Variants in ADCK1 observed in about 807,000 individuals in gnomAD.
ADCK1 encodes the protein aarF domain containing kinase 1.
Under a neutral mutation model 52.3 loss-of-function variants are expected in ADCK1, and 41 were observed. That is an observed-to-expected ratio of 0.78 (90% CI 0.61 to 1.02). ADCK1 has a LOEUF of 1.02. Ranked by LOEUF, ADCK1 falls within the 50% of genes least tolerant of loss-of-function variation. The pLI, the probability that ADCK1 is intolerant of heterozygous loss-of-function variation, is 0.00. For synonymous variants in ADCK1, 250 were observed against 274.6 expected (o/e 0.91, Z 0.89); for missense variants, 658 against 679.5 (o/e 0.97, Z 0.35).
At chr14:77,809,246 G>A (rs2081288739) in intron 1 of ADCK1, among the ~76,000 whole-genome samples, 1 of 152,122 alleles carries the variant, frequency 6.6e-6, no homozygotes, top group African/African-American at 2.4e-5. Flanking sequence ...ATGGGATGTG[G>A]AGAAGTCAGT....
At chr14:77,828,819 G>A (rs891438002) in intron 3 of ADCK1, among the ~76,000 whole-genome samples, 3 of 151,732 alleles carry the variant, frequency 2.0e-5, no homozygotes, top group African/African-American at 4.8e-5. Context: ...GAGCCACTGC[G>A]CCCAGCCATT....
At chr14:77,917,706 G>T (rs181111465) in intron 7 of ADCK1, among the ~76,000 whole-genome samples, 1 of 152,228 alleles carries the variant, frequency 6.6e-6, no homozygotes, top group Non-Finnish European at 1.5e-5. Flanking sequence ...ACAATTAAAA[G>T]ATTTCTCATT....
At chr14:77,866,525 G>T (rs946799970) in intron 4 of ADCK1, among the ~76,000 whole-genome samples, 2 of 152,160 alleles carry the variant, frequency 1.3e-5, no homozygotes, top group African/African-American at 4.8e-5. Flanking sequence ...CAGCTGGTTA[G>T]GGTTAATTGC....
intron 1 of ADCK1, among the ~76,000 whole-genome samples, chr14:77,812,564 C>T (rs1339553961): frequency 6.6e-6 from 1 of 152,082 alleles, no homozygotes; most frequent in East Asian, 1.9e-4. Flanking sequence ...TAGGTTGTTT[C>T]TACATCTTGG....
At chr14:77,806,738 A>G (rs954848059) in intron 1 of ADCK1, among the ~76,000 whole-genome samples, 10 of 151,984 alleles carry the variant, frequency 6.6e-5, no homozygotes, top group African/African-American at 2.4e-4. Flanking sequence ...TTTTTTAGAC[A>G]GAGTATCGCT....
chr14:77,909,563 G>T (rs2083745735), intron 7 of ADCK1, among the ~76,000 whole-genome samples: 1 of 152,188 alleles, frequency 6.6e-6, no homozygotes, highest in African/African-American at 2.4e-5. Context: ...GATGAGCCCA[G>T]GGGGGTGGCA....
intron 3 of ADCK1, among the ~76,000 whole-genome samples, chr14:77,824,112 T>C (rs2081640485): frequency 6.6e-6 from 1 of 151,660 alleles, no homozygotes; most frequent in South Asian, 2.1e-4. Context: ...ACGGCCAGGC[T>C]GGTCTTGAAC....
Position 77,924,581 on chromosome 14 carries a change from T to G in ADCK1, c.983T>G (p.Val328Gly), listed in dbSNP as rs201208329. The change falls in exon 8 of 11, where the codon GTC (valine) becomes GGC (glycine). Residue 328 changes from valine to glycine, a missense_variant. Transcript: ENST00000238561. ...KHPGTGKAEI[V>G]LLDHGLYQML... ...CCCGGCACGGGAAAGGCGGAGATTG[T>G]CCTGTTGGACCATGGGCTTTACCAG... 2.5e-6 allele frequency: 4 copies of G among 1,613,682 alleles called. No individual in the cohort carries two copies. The highest frequency in any genetic ancestry group is 3.4e-6 in the Non-Finnish European group (4 of 1,180,026).
intron 9 of ADCK1, among the ~76,000 whole-genome samples, chr14:77,928,048 C>T (rs1259848976): frequency 2.0e-5 from 3 of 152,096 alleles, no homozygotes; most frequent in Non-Finnish European, 4.4e-5. Flanking sequence ...GACAGGGGCT[C>T]AGGCTGCACT....
intron 3 of ADCK1, among the ~76,000 whole-genome samples, chr14:77,825,369 G>A (rs574700600): frequency 5.3e-5 from 6 of 113,828 alleles, no homozygotes; most frequent in Admixed American, 4.0e-4. Context: ...TAGCTAAGCC[G>A]GCTTTGGGAT....
At chr14:77,848,134 G>A (rs1043932962) in intron 3 of ADCK1, among the ~76,000 whole-genome samples, 1 of 152,116 alleles carries the variant, frequency 6.6e-6, no homozygotes, top group African/African-American at 2.4e-5. Context: ...CGAACTCCTG[G>A]CCTCAAGCAG....
intron 4 of ADCK1, among the ~76,000 whole-genome samples, chr14:77,859,559 T>G (rs1329681850): frequency 2.0e-5 from 3 of 152,236 alleles, no homozygotes; most frequent in African/African-American, 7.2e-5. Context: ...TAAATGTCAC[T>G]TACTGAAGGT....
At chr14:77,882,815 A>G (rs988402679) in intron 4 of ADCK1, among the ~76,000 whole-genome samples, 11 of 152,168 alleles carry the variant, frequency 7.2e-5, no homozygotes, top group Admixed American at 2.0e-4. Flanking sequence ...GAGTTTCTGG[A>G]TAGTCTCTTA....
intron 4 of ADCK1, among the ~76,000 whole-genome samples, chr14:77,877,173 C>T (rs2082919199): frequency 6.6e-6 from 1 of 152,192 alleles, no homozygotes; most frequent in Admixed American, 6.5e-5. Context: ...TGAGATCATG[C>T]CACTGCACTC....
intron 3 of ADCK1, among the ~76,000 whole-genome samples, chr14:77,843,628 T>C: frequency 6.6e-6 from 1 of 152,146 alleles, no homozygotes; most frequent in East Asian, 1.9e-4. Flanking sequence ...CCAGTAATAA[T>C]ATTATTAATC....
chr14:77,921,177 A>G (rs2084041765), intron 7 of ADCK1, among the ~76,000 whole-genome samples: 1 of 151,020 alleles, frequency 6.6e-6, no homozygotes, highest in Non-Finnish European at 1.5e-5. Context: ...AATACAAAAA[A>G]TTAGCCAGGC....
intron 7 of ADCK1, among the ~76,000 whole-genome samples, chr14:77,910,043 G>A (rs938173038): frequency 6.6e-6 from 1 of 152,138 alleles, no homozygotes; most frequent in Non-Finnish European, 1.5e-5. Flanking sequence ...TGGTGGGAAC[G>A]TTTCTCTGTG....
intron 4 of ADCK1, among the ~76,000 whole-genome samples, 149 bp from the exon 5 acceptor site, chr14:77,886,930 ACACACACACACG>A (rs2083162791): frequency 3.0e-5 from 3 of 99,258 alleles, no homozygotes; most frequent in African/African-American, 6.2e-5. Context: ...ACACACACAC[ACACACACACACG>A]CACAACACAC....
chr14:77,808,395 G>A (rs1566623491), intron 1 of ADCK1, among the ~76,000 whole-genome samples: 1 of 152,168 alleles, frequency 6.6e-6, no homozygotes, highest in Non-Finnish European at 1.5e-5. Flanking sequence ...CCATAGTGGG[G>A]TGGTCACCAG....
Sources: gnomAD v4.1 joint callset for allele counts (sites outside exome capture counted in the v4.1 genomes callset) on GRCh38, gnomAD v4.1.1 for gene constraint, MANE v1.5 for transcripts, NCBI Gene and HGNC (gene_info 2026-07-23, HGNC 2026-07-21) for gene names.